The following TAFA2 variants were observed in gnomAD, a reference collection of about 807,000 sequenced individuals.
TAFA2 encodes TAFA chemokine like family member 2, also known as chemokine-like protein TAFA-2.
TAFA2 carries 7 observed loss-of-function variants against 18.8 expected under a neutral mutation model. The observed-to-expected ratio is 0.37, with a 90% CI of 0.21 to 0.70. The LOEUF is 0.70. TAFA2 is among the 30% of genes least tolerant of loss of function. The pLI is 0.53. For synonymous variants in TAFA2, 60 were observed against 54.2 expected, an observed-to-expected ratio of 1.11 and a Z score of -0.47; for missense variants, 122 against 158.1, an observed-to-expected ratio of 0.77 and a Z score of 1.23.
chr12:62,190,588 G>A (rs539092397), intron 1 of TAFA2, among the ~76,000 whole-genome samples: 69 of 152,336 alleles, frequency 4.5e-4, no homozygotes, highest in African/African-American at 1.6e-3. Context: ...AAGCTCTCTT[G>A]TAGTAGCCTT....
intron 1 of TAFA2, among the ~76,000 whole-genome samples, chr12:62,035,842 C>T (rs1881592535): frequency 6.8e-6 from 1 of 146,460 alleles, no homozygotes; most frequent in African/African-American, 2.5e-5. Context: ...CCCGGGTTCA[C>T]GCCATTCTCC....
intron 1 of TAFA2, among the ~76,000 whole-genome samples, chr12:61,984,583 C>T (rs183690800): frequency 2.6e-5 from 4 of 152,200 alleles, no homozygotes; most frequent in Admixed American, 1.3e-4. Flanking sequence ...AGGAGGTAGC[C>T]ATGAGGACTC....
intron 1 of TAFA2, among the ~76,000 whole-genome samples, chr12:62,135,157 A>G (rs1376543920): frequency 6.6e-6 from 1 of 152,072 alleles, no homozygotes; most frequent in Non-Finnish European, 1.5e-5. Flanking sequence ...TCTTAGTCAC[A>G]GCTGAAACAC....
chr12:61,857,646 G>T (rs1233945779), intron 2 of TAFA2, among the ~76,000 whole-genome samples: 1 of 152,112 alleles, frequency 6.6e-6, no homozygotes, highest in East Asian at 1.9e-4. Context: ...TTCCCAATTG[G>T]CCTGAACAAG....
chr12:62,107,684 T>C (rs1406867402), intron 1 of TAFA2, among the ~76,000 whole-genome samples: 1 of 151,814 alleles, frequency 6.6e-6, no homozygotes, highest in African/African-American at 2.4e-5. Flanking sequence ...TCTGTGTTCA[T>C]TTTTTTTAGT....
chr12:61,883,488 A>AG (rs1419729297), intron 1 of TAFA2, among the ~76,000 whole-genome samples: 1 of 152,204 alleles, frequency 6.6e-6, no homozygotes, highest in African/African-American at 2.4e-5. Flanking sequence ...TATTTTATGC[A>AG]AGGCCCCACA....
At chr12:62,119,121 G>A (rs888325887) in intron 1 of TAFA2, among the ~76,000 whole-genome samples, 1 of 151,986 alleles carries the variant, frequency 6.6e-6, no homozygotes, top group African/African-American at 2.4e-5. Flanking sequence ...TGTAGTGTGA[G>A]GGAAGGACCT....
intron 1 of TAFA2, among the ~76,000 whole-genome samples, chr12:61,931,527 G>A (rs867530924): frequency 1.1e-4 from 17 of 152,128 alleles, no homozygotes; most frequent in African/African-American, 2.9e-4. Context: ...CACACCTATC[G>A]TGGAATTTTT....
intron 2 of TAFA2, among the ~76,000 whole-genome samples, chr12:61,774,032 G>A (rs866440717): frequency 3.3e-5 from 5 of 151,856 alleles, no homozygotes; most frequent in Admixed American, 1.3e-4. Flanking sequence ...TCAAAAAGTC[G>A]GCTAGGGGCA....
chr12:61,818,983 G>A (rs1228700696), intron 2 of TAFA2, among the ~76,000 whole-genome samples: 1 of 152,074 alleles, frequency 6.6e-6, no homozygotes, highest in African/African-American at 2.4e-5. Flanking sequence ...TTCCATTGTT[G>A]CACATTACCT....
At chr12:62,012,800 A>C (rs1195611048) in intron 1 of TAFA2, among the ~76,000 whole-genome samples, 1 of 152,170 alleles carries the variant, frequency 6.6e-6, no homozygotes, top group African/African-American at 2.4e-5. Context: ...GAAGAAAAAA[A>C]ATAAAATTCT....
intron 4 of TAFA2, among the ~76,000 whole-genome samples, chr12:61,719,924 T>C (rs1388947418): frequency 6.6e-6 from 1 of 152,208 alleles, no homozygotes; most frequent in Non-Finnish European, 1.5e-5. Context: ...TCATTCTATA[T>C]GTGGTAAATC....
intron 2 of TAFA2, among the ~76,000 whole-genome samples, chr12:61,814,721 G>A (rs756062775): frequency 3.8e-4 from 57 of 151,278 alleles, no homozygotes; most frequent in Non-Finnish European, 7.5e-4. Flanking sequence ...GATTATCTCA[G>A]TGGGTCCAAT....
chr12:62,092,569 T>A (rs1003071276), intron 1 of TAFA2, among the ~76,000 whole-genome samples: 1 of 151,960 alleles, frequency 6.6e-6, no homozygotes, highest in African/African-American at 2.4e-5. Flanking sequence ...ACCAAACTCA[T>A]CTGGTTTTCC....
chr12:61,751,326 A>G (rs796547969), intron 4 of TAFA2, among the ~76,000 whole-genome samples: 3 of 151,988 alleles, frequency 2.0e-5, no homozygotes, highest in Non-Finnish European at 4.4e-5. Flanking sequence ...TTGCCTTTCT[A>G]TTTGGAATGC....
intron 1 of TAFA2, among the ~76,000 whole-genome samples, chr12:61,922,530 G>A (rs1175871775): frequency 6.6e-6 from 1 of 152,218 alleles, no homozygotes; most frequent in African/African-American, 2.4e-5. Flanking sequence ...AAGGGAAACA[G>A]TGAAGGACTG....
intron 1 of TAFA2, among the ~76,000 whole-genome samples, chr12:61,923,767 A>C (rs981399727): frequency 1.3e-5 from 2 of 152,058 alleles, no homozygotes; most frequent in African/African-American, 2.4e-5. Context: ...TAGGCTTCAG[A>C]AGGTGGGTAA....
intron 1 of TAFA2, among the ~76,000 whole-genome samples, chr12:62,251,220 T>C (rs1329450942): frequency 2.0e-5 from 3 of 152,086 alleles, no homozygotes; most frequent in Admixed American, 2.0e-4. Context: ...TTTGGTAAAA[T>C]TGTCACCTGC....
intron 1 of TAFA2, among the ~76,000 whole-genome samples, chr12:61,917,997 A>G (rs1043889711): frequency 6.6e-6 from 1 of 152,144 alleles, no homozygotes; most frequent in African/African-American, 2.4e-5. Flanking sequence ...GTTGGGTATA[A>G]GAACCATGCT....
Sources: gnomAD v4.1 joint callset for allele counts (sites outside exome capture counted in the v4.1 genomes callset) on GRCh38, gnomAD v4.1.1 for gene constraint, MANE v1.5 for transcripts, NCBI Gene and HGNC (gene_info 2026-07-23, HGNC 2026-07-21) for gene names.